Variants in PCDH15 observed in about 807,000 individuals in gnomAD.
PCDH15 encodes protocadherin related 15.
PCDH15 carries 129 observed loss-of-function variants against 178.5 expected under a neutral mutation model. That is an observed-to-expected ratio of 0.72 (90% CI 0.63 to 0.84). PCDH15 has a LOEUF of 0.84. PCDH15 is among the 40% of genes least tolerant of loss of function. PCDH15 has a pLI of 0.00. For synonymous variants in PCDH15, 800 were observed against 732.0 expected (o/e 1.09, Z -1.50); for missense variants, 2,230 against 2,099.9 (o/e 1.06, Z -1.21).
chr10:54,892,731 CTT>C (rs565482831), intron 3 of PCDH15, among the ~76,000 whole-genome samples: 4 of 134,622 alleles, frequency 3.0e-5, no homozygotes, highest in Non-Finnish European at 4.8e-5. Flanking sequence ...AATAATTTTT[CTT>C]TTTTTTTTTT....
chr10:53,837,406 AC>A (rs766540119), intron 29 of PCDH15, among the ~76,000 whole-genome samples: 5 of 152,150 alleles, frequency 3.3e-5, no homozygotes, highest in East Asian at 1.9e-4. Flanking sequence ...AGCTGGCCAA[AC>A]AAAATAAGTT....
At chr10:53,993,908 G>A (rs2926403) in intron 21 of PCDH15, among the ~76,000 whole-genome samples, 78,542 of 151,966 alleles carry the variant, frequency 0.52, 20,924 homozygotes, top group Middle Eastern at 0.66. Context: ...TCAATGGAAT[G>A]ACTGGCATCC....
intron 3 of PCDH15, among the ~76,000 whole-genome samples, chr10:54,815,905 AAATACACTCTAT>A (rs1175498495): frequency 6.6e-6 from 1 of 152,100 alleles, no homozygotes; most frequent in East Asian, 1.9e-4. Context: ...TTTATTGGAA[AAATACACTCTAT>A]AATACATATA....
chr10:54,070,467 G>C (rs1031169844), intron 17 of PCDH15, among the ~76,000 whole-genome samples: 3 of 152,248 alleles, frequency 2.0e-5, no homozygotes, highest in African/African-American at 7.2e-5. Flanking sequence ...GCCTATCAAA[G>C]TGCTGGGATT....
intron 15 of PCDH15, among the ~76,000 whole-genome samples, chr10:54,130,166 T>C (rs1487850359): frequency 6.6e-6 from 1 of 152,136 alleles, no homozygotes; most frequent in Non-Finnish European, 1.5e-5. Flanking sequence ...GAACATACTC[T>C]GTTGATGTAA....
chr10:54,447,892 T>C (rs1038943174), intron 3 of PCDH15, among the ~76,000 whole-genome samples: 25 of 151,670 alleles, frequency 1.6e-4, no homozygotes, highest in African/African-American at 5.8e-4. Flanking sequence ...ACCACTATTA[T>C]CTGTGAACTA....
intron 21 of PCDH15, among the ~76,000 whole-genome samples, chr10:53,984,367 G>T (rs2134676075): frequency 6.6e-6 from 1 of 151,914 alleles, no homozygotes; most frequent in South Asian, 2.1e-4. Flanking sequence ...AGCCAGGATG[G>T]TCTCGATCTC....
chr10:55,144,330 G>C lies in PCDH15; in HGVS notation c.-80+22246C>G, dbSNP rs530180557. On this transcript the variant is annotated intron_variant, in intron 2 of 5. Coordinates refer to the PCDH15 transcript ENST00000458638. The stretch of plus-strand genomic sequence containing the variant: ...AAGGAAAATAATAGAACAAGTCCTA[G>C]AGCTCAAAAACATCTCAACTTTGTC... Among the ~76,000 whole-genome samples the C allele has an allele frequency of 3.3e-5, 5 of 151,906 alleles. No individual in the cohort carries two copies. In the South Asian group the frequency reaches 6.2e-4, roughly 19 times the overall value.
At position 54,702,329 on chromosome 10, in the gene PCDH15, C is replaced by G. The variant is rs188852320; in HGVS notation, c.-28-38039G>C. Among the ~76,000 whole-genome samples the G allele has an allele frequency of 9.4e-4, 143 of 151,814 alleles. 1 individual carries two copies. The Middle Eastern group carries it at 0.021, about 22-fold the overall frequency. ...AGTGTTAAACAAAAATAAACAAACC[C>G]TAAAGCTAGCAGAAGACAACAAAAA... is the stretch of plus-strand genomic sequence containing the variant. On this transcript the variant is annotated intron_variant, in intron 1 of 37. Transcript: ENST00000644397.
chr10:54,146,352 G>A (rs7920089), intron 14 of PCDH15, among the ~76,000 whole-genome samples: 96,770 of 151,678 alleles, frequency 0.64, 32,348 homozygotes, highest in East Asian at 0.9. Flanking sequence ...CCATGCATCA[G>A]TCATTTTTAT....
chr10:55,215,903 A>G (rs1840689388), intron 1 of PCDH15, among the ~76,000 whole-genome samples: 1 of 152,154 alleles, frequency 6.6e-6, no homozygotes, highest in East Asian at 1.9e-4. Flanking sequence ...GTTATGACAC[A>G]ACACGAAGCA....
chr10:55,226,984 A>G (rs1432064792), intron 1 of PCDH15, among the ~76,000 whole-genome samples: 1 of 152,096 alleles, frequency 6.6e-6, no homozygotes, highest in South Asian at 2.1e-4. Flanking sequence ...AAAAAATTAG[A>G]AAAATTTTTA....
intron 3 of PCDH15, among the ~76,000 whole-genome samples, chr10:54,414,579 T>C (rs1225255481): frequency 6.6e-6 from 1 of 152,166 alleles, no homozygotes; most frequent in Non-Finnish European, 1.5e-5. Flanking sequence ...TGATACTTTA[T>C]TTAAAACACA....
At chr10:54,539,934 A>C (rs2085020621) in intron 2 of PCDH15, among the ~76,000 whole-genome samples, 1 of 152,136 alleles carries the variant, frequency 6.6e-6, no homozygotes, top group African/African-American at 2.4e-5. Context: ...AGAAATTTTA[A>C]AAAATTCTTT....
intron 15 of PCDH15, among the ~76,000 whole-genome samples, chr10:54,113,338 C>T (rs888896419): frequency 6.6e-6 from 1 of 152,152 alleles, no homozygotes; most frequent in African/African-American, 2.4e-5. Flanking sequence ...TAATTCAGCA[C>T]GTTTAAGCAT....
intron 2 of PCDH15, among the ~76,000 whole-genome samples, chr10:54,583,105 T>C (rs1387591187): frequency 6.6e-6 from 1 of 152,108 alleles, no homozygotes; most frequent in Non-Finnish European, 1.5e-5. Flanking sequence ...TTTTGCGTTA[T>C]TACTTGCCAT....
chr10:54,718,530 A>G (rs1156517448), intron 1 of PCDH15, among the ~76,000 whole-genome samples: 1 of 152,072 alleles, frequency 6.6e-6, no homozygotes, highest in African/African-American at 2.4e-5. Context: ...ATCATACATT[A>G]TAGACACCTC....
chr10:53,820,662 G>GA (rs2076227098), intron 32 of PCDH15, among the ~76,000 whole-genome samples: 2 of 151,818 alleles, frequency 1.3e-5, no homozygotes. Context: ...TGTTTCATGG[G>GA]AAAAACAAAG....
intron 1 of PCDH15, among the ~76,000 whole-genome samples, chr10:54,676,089 A>G (rs2094783718): frequency 6.6e-6 from 1 of 152,148 alleles, no homozygotes. Context: ...AGGGCTATGA[A>G]TATTGTAAAT....
Sources: allele counts gnomAD v4.1 joint callset (sites outside exome capture counted in the v4.1 genomes callset), GRCh38; gene constraint gnomAD v4.1.1; transcripts MANE v1.5; gene names NCBI Gene and HGNC (gene_info 2026-07-23, HGNC 2026-07-21).